The following FAM47E variants were observed in gnomAD, a reference collection of about 807,000 sequenced individuals.
The protein encoded by FAM47E is protein FAM47E.
In FAM47E, 32 loss-of-function variants were observed where a neutral mutation model predicts 41.6. The ratio of observed to expected loss-of-function variants is 0.77; its 90% confidence interval spans 0.58 to 1.03. FAM47E has a LOEUF of 1.03. Among genes scored for constraint, FAM47E ranks in the 50% least tolerant of loss-of-function variants. The pLI, the probability that FAM47E is intolerant of heterozygous loss-of-function variation, is 0.00. For missense variants in FAM47E, 424 were observed against 485.4 expected, an observed-to-expected ratio of 0.87 and a Z score of 1.19; for synonymous variants, 184 against 188.7, an observed-to-expected ratio of 0.98 and a Z score of 0.20.
chr4:76,265,970 A>C (rs1483451747), intron 3 of FAM47E, among the ~76,000 whole-genome samples: 7 of 152,146 alleles, frequency 4.6e-5, no homozygotes. Context: ...TCCAAACAAC[A>C]ATCAGGCTCT....
At position 76,233,784 on chromosome 4, in the gene FAM47E, C is replaced by T. The variant is rs372675394; in HGVS notation, c.81+16096C>T. On this transcript the variant is annotated intron_variant, in intron 2 of 7. Coordinates refer to the FAM47E transcript ENST00000510197. The stretch of plus-strand genomic sequence containing the variant: ...CCTATCAAGCAGTTACAGGCAGTGC[C>T]CCCAATATGTAAAACCAGATGAAGG... 1.6e-4 allele frequency among the ~76,000 whole-genome samples: 25 copies of T among 152,202 alleles called. No homozygotes were observed. In the East Asian group the frequency reaches 4.6e-3, roughly 28 times the overall value.
intron 2 of FAM47E, among the ~76,000 whole-genome samples, chr4:76,262,606 T>C (rs1201225362): frequency 1.3e-5 from 2 of 152,230 alleles, no homozygotes; most frequent in African/African-American, 4.8e-5. Flanking sequence ...AAACTAACTT[T>C]GTGTGTAAGC....
intron 2 of FAM47E, among the ~76,000 whole-genome samples, chr4:76,237,378 T>G (rs1220474158): frequency 6.9e-6 from 1 of 145,416 alleles, no homozygotes; most frequent in Non-Finnish European, 1.5e-5. Flanking sequence ...TGTTTGTTTG[T>G]TTTTTTTTTG....
intron 6 of FAM47E, 128 bp downstream of exon 6, chr4:76,278,352 G>A (rs1319002206): frequency 9.8e-7 from 1 of 1,016,782 alleles, no homozygotes. Context: ...CTTGCATATT[G>A]AATTCAGCAA....
At chr4:76,235,608 A>AT (rs1733573198) in intron 2 of FAM47E, among the ~76,000 whole-genome samples, 1 of 152,330 alleles carries the variant, frequency 6.6e-6, no homozygotes, top group East Asian at 1.9e-4. Flanking sequence ...CTAAGCACAG[A>AT]TAGGGATTCC....
intron 2 of FAM47E, among the ~76,000 whole-genome samples, chr4:76,232,359 T>C (rs555742023): frequency 6.6e-6 from 1 of 152,328 alleles, no homozygotes; most frequent in East Asian, 1.9e-4. Flanking sequence ...TCCAAAGTTA[T>C]CAGAAGCCTG....
chr4:76,242,199 G>A (rs1733725998), intron 2 of FAM47E, among the ~76,000 whole-genome samples: 1 of 152,174 alleles, frequency 6.6e-6, no homozygotes, highest in African/African-American at 2.4e-5. Flanking sequence ...CAGTGTTGGA[G>A]GTAGGGCCTT....
intron 2 of FAM47E, among the ~76,000 whole-genome samples, chr4:76,262,109 C>T (rs1208955234): frequency 1.3e-5 from 2 of 151,988 alleles, no homozygotes; most frequent in South Asian, 2.1e-4. Flanking sequence ...TTTCCCTATA[C>T]CCAGAACAAC....
At chr4:76,248,597 G>A (rs1837869), upstream of FAM47E, among the ~76,000 whole-genome samples, 910 of 152,222 alleles carry the variant, frequency 6.0e-3, 17 homozygotes, top group African/African-American at 0.021. Context: ...ACTAGGCACT[G>A]GAGATGCAAT....
intron 2 of FAM47E, among the ~76,000 whole-genome samples, chr4:76,243,243 G>A (rs1733748466): frequency 6.6e-6 from 1 of 152,130 alleles, no homozygotes; most frequent in South Asian, 2.1e-4. Context: ...ATAGTAGCCT[G>A]GACTGACTAA....
intron 3 of FAM47E, among the ~76,000 whole-genome samples, chr4:76,264,045 G>A (rs958927583): frequency 6.6e-6 from 1 of 152,196 alleles, no homozygotes; most frequent in Non-Finnish European, 1.5e-5. Flanking sequence ...CAGCGACGAC[G>A]CAGACACAGG....
At chr4:76,229,578 T>C (rs1733458131) in intron 2 of FAM47E, among the ~76,000 whole-genome samples, 1 of 152,230 alleles carries the variant, frequency 6.6e-6, no homozygotes. Flanking sequence ...GACGTGGCTT[T>C]CTGGGAGCTG....
intron 2 of FAM47E, among the ~76,000 whole-genome samples, chr4:76,246,306 T>C (rs189368342): frequency 1.3e-5 from 2 of 152,300 alleles, no homozygotes; most frequent in Admixed American, 1.3e-4. Flanking sequence ...GACTCCGTTG[T>C]TGCAATCTGG....
intron 5 of FAM47E, among the ~76,000 whole-genome samples, chr4:76,275,465 A>C (rs1194799297): frequency 2.6e-5 from 4 of 152,170 alleles, no homozygotes; most frequent in Admixed American, 1.3e-4. Flanking sequence ...GCATTTATTC[A>C]AAAACAGTAG....
At chr4:76,264,997 T>C (rs894555924) in intron 3 of FAM47E, among the ~76,000 whole-genome samples, 1 of 152,178 alleles carries the variant, frequency 6.6e-6, no homozygotes, top group African/African-American at 2.4e-5. Flanking sequence ...TAGAGGAGTG[T>C]GGACTGTGGT....
chr4:76,234,438 C>T (rs6855568), intron 2 of FAM47E: 53,443 of 152,012 alleles, frequency 0.35, 10,222 homozygotes, highest in East Asian at 0.8. Flanking sequence ...CAGAATTGTA[C>T]TGGGTGAAAA....
intron 2 of FAM47E, among the ~76,000 whole-genome samples, chr4:76,243,553 T>C (rs1418369543): frequency 3.1e-4 from 47 of 152,184 alleles, no homozygotes. Flanking sequence ...GGCAACTTTG[T>C]TTTCTACTTC....
intron 2 of FAM47E, among the ~76,000 whole-genome samples, chr4:76,243,898 A>G (rs1195233180): frequency 6.6e-6 from 1 of 152,094 alleles, no homozygotes; most frequent in Non-Finnish European, 1.5e-5. Context: ...TCCTAGCCCC[A>G]TAACCCCTGA....
In FAM47E at chr4:76,233,824, C is replaced by G. The variant is rs145185351; in HGVS notation, c.81+16136C>G. Among the ~76,000 whole-genome samples the G allele has an allele frequency of 2.8e-3, 432 of 152,152 alleles. 2 individuals carry two copies. The highest frequency in any genetic ancestry group is 0.01 in the African/African-American group (426 of 41,508). On this transcript the variant is annotated intron_variant, in intron 2 of 7. Transcript: ENST00000510197. ...CCAGATGAAGGCTTCATTTCAGAAC[C>G]AAAACTTTGCAGATAATACAAACAG...
Sources: gnomAD v4.1 joint callset for allele counts (sites outside exome capture counted in the v4.1 genomes callset) on GRCh38, gnomAD v4.1.1 for gene constraint, MANE v1.5 for transcripts, NCBI Gene and HGNC (gene_info 2026-07-23, HGNC 2026-07-21) for gene names.